Variants in HIPK2 observed in about 807,000 individuals in gnomAD.
The protein encoded by HIPK2 is homeodomain interacting protein kinase 2, also known as homeodomain-interacting protein kinase 2.
In HIPK2, 27 loss-of-function variants were observed where a neutral mutation model predicts 113.7. The observed-to-expected ratio is 0.24, with a 90% CI of 0.17 to 0.33. The LOEUF (loss-of-function observed/expected upper bound fraction) is 0.33, where lower values mean the gene tolerates loss of function less well. HIPK2 is among the 10% of genes least tolerant of loss of function. The pLI is 1.00. For missense variants in HIPK2, 1,257 were observed against 1,588.0 expected (o/e 0.79, Z 3.54); for synonymous variants, 631 against 642.2 (o/e 0.98, Z 0.26).
intron 2 of HIPK2, among the ~76,000 whole-genome samples, chr7:139,709,211 G>A (rs1230679553): frequency 6.6e-6 from 1 of 152,150 alleles, no homozygotes; most frequent in Non-Finnish European, 1.5e-5. Context: ...GAAGTTGTCG[G>A]TGGGTTGAAC....
At chr7:139,633,750 G>C (rs931937854) in intron 2 of HIPK2, among the ~76,000 whole-genome samples, 1 of 152,020 alleles carries the variant, frequency 6.6e-6, no homozygotes, top group East Asian at 1.9e-4. Flanking sequence ...TCCAAGACCA[G>C]CCTGGTCAAC....
intron 1 of HIPK2, among the ~76,000 whole-genome samples, chr7:139,771,952 G>A (rs931921428): frequency 6.6e-6 from 1 of 152,222 alleles, no homozygotes; most frequent in Non-Finnish European, 1.5e-5. Context: ...TGACAATCAG[G>A]TTAATAGAAT....
chr7:139,617,151 T>C (rs557428872), intron 7 of HIPK2, among the ~76,000 whole-genome samples: 1 of 152,338 alleles, frequency 6.6e-6, no homozygotes, highest in Admixed American at 6.5e-5. Context: ...GAAAGGTAGC[T>C]AGCCTATCAC....
chr7:139,612,431 G>A (rs1383515864), intron 9 of HIPK2, among the ~76,000 whole-genome samples: 3 of 152,070 alleles, frequency 2.0e-5, no homozygotes, highest in Admixed American at 1.3e-4. Context: ...AGACTTACTG[G>A]GTGTGTGTCC....
At chr7:139,640,596 A>G (rs1368598306) in intron 2 of HIPK2, among the ~76,000 whole-genome samples, 2 of 152,292 alleles carry the variant, frequency 1.3e-5, no homozygotes, top group East Asian at 3.9e-4. Flanking sequence ...ACTTATCTAT[A>G]ACACGTCTAA....
At chr7:139,732,003 A>G (rs1795801353) in intron 1 of HIPK2, among the ~76,000 whole-genome samples, 1 of 152,174 alleles carries the variant, frequency 6.6e-6, no homozygotes, top group Admixed American at 6.5e-5. Context: ...AGTGTGGGGA[A>G]AGTTGGCACG....
At chr7:139,609,743 G>A (rs946584148) in intron 9 of HIPK2, among the ~76,000 whole-genome samples, 4 of 152,138 alleles carry the variant, frequency 2.6e-5, no homozygotes, top group African/African-American at 9.7e-5. Flanking sequence ...TATTGGCATG[G>A]ATTAAGTGAC....
intron 2 of HIPK2, among the ~76,000 whole-genome samples, chr7:139,643,410 A>ACAT (rs1801097137): frequency 6.7e-6 from 1 of 149,668 alleles, no homozygotes; most frequent in Admixed American, 6.6e-5. Flanking sequence ...ACACACACAC[A>ACAT]TTTTCACACT....
At chr7:139,595,808 G>A (rs752114131) in intron 12 of HIPK2, among the ~76,000 whole-genome samples, 9 of 152,216 alleles carry the variant, frequency 5.9e-5, no homozygotes, top group Non-Finnish European at 1.3e-4. Context: ...TTACTAATTA[G>A]TTACATTGCA....
intron 13 of HIPK2, among the ~76,000 whole-genome samples, chr7:139,579,033 G>A (rs956985466): frequency 1.3e-5 from 2 of 152,150 alleles, no homozygotes; most frequent in Non-Finnish European, 2.9e-5. Flanking sequence ...ATTACTGCCT[G>A]GTGACACTGA....
rs1238058588 is a variant in HIPK2 at position 139,571,584 on chromosome 7, G to C, written c.*1343C>G. 3 of 152,166 alleles carry C rather than the reference G, an allele frequency of 2.0e-5. No individual in the cohort carries two copies. Among genetic ancestry groups the C allele is most frequent in the African/African-American group, 7.2e-5 (3 of 41,420 alleles). The allele number at this position is 152,166 out of a possible 1,614,324, so 9.4% of individuals were successfully genotyped here. Reference sequence around the variant, plus strand: ...ATCCACGGACTCTCTCCTAGCTCCTGCTGGCTTCCCTGGCATCCTTCCGCT... The same window carrying C: ...ATCCACGGACTCTCTCCTAGCTCCTCCTGGCTTCCCTGGCATCCTTCCGCT... On this transcript the variant is annotated 3_prime_UTR_variant, in exon 15 of 15. Coordinates refer to ENST00000406875, the MANE Select transcript of HIPK2 (RefSeq NM_022740.5).
Position 139,674,640 on chromosome 7 carries a change from C to T in HIPK2, c.1103+41292G>A, listed in dbSNP as rs151305529. On this transcript the variant is annotated intron_variant, in intron 2 of 14. Transcript: ENST00000406875. Reference sequence around the variant, plus strand: ...GCATGGACCAAATTCTGGCTCCTTTCCACGAAAGGAAGAAAAATGAACACA... The same window carrying T: ...GCATGGACCAAATTCTGGCTCCTTTTCACGAAAGGAAGAAAAATGAACACA... Among the ~76,000 whole-genome samples, 387 of 152,252 alleles carry T rather than the reference C, an allele frequency of 2.5e-3. 4 individuals are homozygous for T. Among genetic ancestry groups the T allele is most frequent in the African/African-American group, 8.5e-3 (353 of 41,550 alleles).
chr7:139,651,031 C>T (rs1035115195), intron 2 of HIPK2, among the ~76,000 whole-genome samples: 8 of 152,198 alleles, frequency 5.3e-5, no homozygotes, highest in African/African-American at 9.7e-5. Flanking sequence ...TGAGGTACTT[C>T]GTTATGCAGT....
intron 1 of HIPK2, among the ~76,000 whole-genome samples, chr7:139,737,902 G>T (rs1399007895): frequency 1.3e-5 from 2 of 152,190 alleles, no homozygotes; most frequent in Non-Finnish European, 2.9e-5. Flanking sequence ...CAGCACAGGA[G>T]GAAGCTGCAC....
chr7:139,717,237 G>A (rs1156335120), intron 1 of HIPK2, among the ~76,000 whole-genome samples: 1 of 152,124 alleles, frequency 6.6e-6, no homozygotes, highest in Non-Finnish European at 1.5e-5. Flanking sequence ...CCACCATTAG[G>A]TGCCAGCAAC....
chr7:139,626,827 G>A (rs543323681), intron 5 of HIPK2, 42 bp from the exon 6 acceptor site: 26 of 1,607,812 alleles, frequency 1.6e-5, no homozygotes, highest in African/African-American at 1.5e-4. Context: ...AGACCCCAGC[G>A]TGCCTCCCCT....
chr7:139,645,187 C>G (rs975815534), intron 2 of HIPK2, among the ~76,000 whole-genome samples: 2 of 152,186 alleles, frequency 1.3e-5, no homozygotes, highest in African/African-American at 4.8e-5. Context: ...ATAGACAAGG[C>G]TCATCTTTGG....
At position 139,572,706 on chromosome 7, in the gene HIPK2, G is replaced by C. The variant is rs1053775640; in HGVS notation, c.*221C>G. 2.2e-6 allele frequency: 1 copy of C among 457,468 alleles called. No individual in the cohort carries two copies. The highest frequency in any genetic ancestry group is 3.7e-6 in the Non-Finnish European group (1 of 269,742). 28.3% of individuals were successfully genotyped at this position (457,468 alleles called of 1,614,324 possible). On this transcript the variant is annotated 3_prime_UTR_variant, in exon 15 of 15. Coordinates refer to ENST00000406875, the MANE Select transcript of HIPK2 (RefSeq NM_022740.5). ...AAAAATGTTCTCTTCTCTGCTCTAC[G>C]TCCTCCCACTTCCCGGTTCAAGTTT...
At chr7:139,598,280 TA>T (rs1354424344) in intron 11 of HIPK2, among the ~76,000 whole-genome samples, 4 of 152,204 alleles carry the variant, frequency 2.6e-5, no homozygotes, top group African/African-American at 9.7e-5. Flanking sequence ...ACCTTCTAGC[TA>T]AAGGGATGGC....
Sources: allele counts gnomAD v4.1 joint callset (sites outside exome capture counted in the v4.1 genomes callset), GRCh38; gene constraint gnomAD v4.1.1; transcripts MANE v1.5; gene names NCBI Gene and HGNC (gene_info 2026-07-23, HGNC 2026-07-21).